The following MCM3AP variants were observed in gnomAD, a reference collection of about 807,000 sequenced individuals.
The protein encoded by MCM3AP is germinal-center associated nuclear protein.
Under a neutral mutation model 184.1 loss-of-function variants are expected in MCM3AP, and 126 were observed. The observed-to-expected ratio is 0.68, with a 90% CI of 0.59 to 0.79. The LOEUF (loss-of-function observed/expected upper bound fraction) is 0.79. Among genes scored for constraint, MCM3AP ranks in the 30% least tolerant of loss-of-function variants. The pLI is 0.00. For missense variants in MCM3AP, 2,496 were observed against 2,479.2 expected, an observed-to-expected ratio of 1.01 and a Z score of -0.14; for synonymous variants, 1,002 against 979.3, an observed-to-expected ratio of 1.02 and a Z score of -0.43.
rs1437878196 is a variant in MCM3AP, at chr21:46,242,482, T to C, written c.5426+320A>G. ...CATTAATAGATTTTCACTGTTATTG[T>C]TTATCCTGGGAGAAAGCATACTTGT... On this transcript the variant is annotated intron_variant, in intron 25 of 27. Transcript: ENST00000291688. The C allele has an allele frequency of 1.6e-5, 3 of 183,966 alleles. No homozygotes were observed. In the Admixed American group the frequency reaches 1.8e-4, roughly 11 times the overall value. The allele number at this position is 183,966 out of a possible 1,614,324, so 11.4% of individuals were successfully genotyped here.
In MCM3AP at chr21:46,248,231, C is replaced by T. The variant is rs17183192; in HGVS notation, c.4291-1345G>A. On this transcript the variant is annotated intron_variant, in intron 20 of 27. Coordinates refer to ENST00000291688, the MANE Select transcript of MCM3AP (RefSeq NM_003906.5). ...CGGCACCCACCACTGCAGGCAACCTCTATGCAAAACCAGTCCCCCTGGGCC... is the reference window on the plus strand; with the variant it reads ...CGGCACCCACCACTGCAGGCAACCTTTATGCAAAACCAGTCCCCCTGGGCC... 9.0e-3 allele frequency among the ~76,000 whole-genome samples: 1,372 copies of T among 152,236 alleles called. 29 individuals are homozygous for T. Among genetic ancestry groups the T allele is most frequent in the African/African-American group, 0.032 (1,324 of 41,538 alleles).
rs1332143881 is a variant in MCM3AP at position 46,235,427 on chromosome 21, C to CT, written c.5785-2dup. ...GCAGTTGCTCCCTCATCATGTCACTCTATTTGAATAAAAAAGAAACTGAAC... is the reference window on the plus strand; with the variant it reads ...GCAGTTGCTCCCTCATCATGTCACTCTTATTTGAATAAAAAAGAAACTGAAC... On this transcript the variant is annotated splice_acceptor_variant, in intron 27 of 27. Transcript: ENST00000291688. LOFTEE classifies it high-confidence loss of function. 7 of 1,613,818 alleles carry CT rather than the reference C, an allele frequency of 4.3e-6. No homozygotes were observed. The Middle Eastern group carries it at 4.9e-4, about 114-fold the overall frequency.
In MCM3AP at chr21:46,245,006, G is replaced by A. The variant is rs1201935485; in HGVS notation, c.4839C>T (p.Asn1613=). ...CAGAAGCCAGGAACTGCAGCACACT[G>A]TTAAACAGCTCAATGATGGCGCCAG... The part of the protein sequence containing the change: ...QEPGAIIELF[N]SVLQFLASVV... The change falls in exon 23 of 28, where the codon AAC becomes AAT. Residue 1613 remains asparagine (N), a synonymous_variant. Transcript: ENST00000291688. The A allele has an allele frequency of 3.1e-6, 5 of 1,614,052 alleles. No homozygotes were observed. In the Admixed American group the frequency reaches 5.0e-5, roughly 16 times the overall value.
chr21:46,284,624 G>A lies in MCM3AP; in HGVS notation c.663C>T (p.Ala221=), dbSNP rs1371339824. 3 of 1,614,082 alleles carry A rather than the reference G, an allele frequency of 1.9e-6. No individual in the cohort carries two copies. Among genetic ancestry groups the A allele is most frequent in the African/African-American group, 2.7e-5 (2 of 74,924 alleles). ...TTTGGTTTGACAAAGCAGGGGTAAA[G>A]GCAGATAATGAATTATTACTACTAA... ...KPVSSNNSLS[A]FTPALSNQNV... Residue 221 remains alanine, a synonymous_variant, in exon 1 of 28, where the codon GCC becomes GCT. Transcript: ENST00000291688.
chr21:46,239,001 C>T (rs2123803157), intron 26 of MCM3AP, among the ~76,000 whole-genome samples: 1 of 152,274 alleles, frequency 6.6e-6, no homozygotes, highest in South Asian at 2.1e-4. Context: ...GATGGGCAAG[C>T]AGGGCCTAAC....
At chr21:46,246,443 C>T in intron 21 of MCM3AP, 39 bp from the exon 22 acceptor site, 1 of 1,396,554 alleles carries the variant, frequency 7.2e-7, no homozygotes, top group Non-Finnish European at 1.0e-6. Context: ...TTGCATTCTG[C>T]TGTCAGCACA....
chr21:46,261,027 C>G, intron 14 of MCM3AP, 121 bp from the exon 15 acceptor site: 1 of 866,904 alleles, frequency 1.2e-6, no homozygotes, highest in African/African-American at 1.7e-5. Context: ...GGTAGGCCAC[C>G]CCTACTCCAG....
chr21:46,247,425 G>C (rs4535149), intron 20 of MCM3AP, among the ~76,000 whole-genome samples: 1 of 147,840 alleles, frequency 6.8e-6, no homozygotes, highest in African/African-American at 2.5e-5. Context: ...TCACTCTGTC[G>C]CCCAGGCTGG....
chr21:46,251,881 C>CTTTTTTTT lies in MCM3AP; in HGVS notation c.4137-207_4137-200dup, dbSNP rs754670172. 138 of 127,724 alleles carry CTTTTTTTT rather than the reference C, an allele frequency of 1.1e-3. 7 individuals are homozygous for CTTTTTTTT. The highest frequency in any genetic ancestry group is 1.2e-3 in the Non-Finnish European group (84 of 67,298). The allele number at this position is 127,724 out of a possible 1,614,324, so 7.9% of individuals were successfully genotyped here. A position where few individuals can be genotyped will look rare whatever the true frequency, so the allele number is the denominator to read the frequency against. ...AATGGAGCAACGATCTGTACTCGTT[C>CTTTTTTTT]TTTTTTTTTTTTTTTTTTTTTTGAG... On this transcript the variant is annotated intron_variant, in intron 19 of 27. Transcript: ENST00000291688.
At chr21:46,262,899 C>T (rs1274261853) in intron 13 of MCM3AP, among the ~76,000 whole-genome samples, 6 of 125,772 alleles carry the variant, frequency 4.8e-5, no homozygotes, top group Admixed American at 3.9e-4. Context: ...CCCCGGGGGG[C>T]GGAGCCTGCA....
chr21:46,256,632 T>C, intron 17 of MCM3AP, 157 bp downstream of exon 17: 1 of 885,880 alleles, frequency 1.1e-6, no homozygotes, highest in Non-Finnish European at 1.7e-6. Flanking sequence ...ACCTTCAAAA[T>C]GCAACCCTGT....
intron 10 of MCM3AP, 69 bp from the exon 11 acceptor site, chr21:46,266,235 T>C (rs990803198): frequency 6.0e-6 from 9 of 1,498,244 alleles, no homozygotes; most frequent in African/African-American, 1.4e-5. Context: ...CTCAGTGCCC[T>C]GCCGAGTACT....
rs779450028 is a variant in MCM3AP at position 46,264,124 on chromosome 21, C to T, written c.3328G>A (p.Ala1110Thr). 19 of 1,612,314 alleles carry T rather than the reference C, an allele frequency of 1.2e-5. No individual in the cohort carries two copies. The highest frequency in any genetic ancestry group is 2.2e-5 in the East Asian group (1 of 44,890). The change falls in exon 13 of 28, where the codon GCC becomes ACC. Residue 1110 changes from alanine to threonine, a missense_variant. By Grantham distance (58) the Ala-to-Thr change is moderately conservative (BLOSUM62 0). Around this residue, in one of 5 missense-constraint regions of MCM3AP, gnomAD observed 1,323 missense variants for 1,273.4 expected, o/e 1.04. Transcript: ENST00000291688. ...GCACGAGATGCCACTCACCCCAGGG[C>T]GGCAGCTGCGTAGGCAGCACCCGCA... The part of the protein sequence containing the change: ...GSAGAAYAAA[A>T]LGVSNAAMED...
At chr21:46,271,007 T>A (rs765632064) in intron 8 of MCM3AP, among the ~76,000 whole-genome samples, 17 of 152,212 alleles carry the variant, frequency 1.1e-4, no homozygotes, top group Non-Finnish European at 1.9e-4. Flanking sequence ...GTAATGCCAA[T>A]GGACTGTCAG....
rs35072844 is a variant in MCM3AP at position 46,284,937 on chromosome 21, C to G, written c.350G>C (p.Ser117Thr). Residue 117 changes from serine to threonine, a missense_variant, in exon 1 of 28, where the codon AGT becomes ACT. Coordinates refer to ENST00000291688, the MANE Select transcript of MCM3AP (RefSeq NM_003906.5). ...AGAAGTGCTTGGGAAAGCCCCAACA[C>G]TGGTGGGTGATTTAAAACTAAATCC... ...NTGFSFKSPT[S>T]VGAFPSTSAF... 43 of 1,614,160 alleles carry G rather than the reference C, an allele frequency of 2.7e-5. No individual in the cohort carries two copies. The African/African-American group carries it at 5.6e-4, about 21-fold the overall frequency.
chr21:46,238,459 G>A (rs1221405876), intron 26 of MCM3AP, among the ~76,000 whole-genome samples: 3 of 119,904 alleles, frequency 2.5e-5, no homozygotes, highest in South Asian at 2.6e-4. Flanking sequence ...TGTAATCCCA[G>A]CACTTTGGGA....
At chr21:46,261,015 T>A (rs913244001) in intron 14 of MCM3AP, 109 bp from the exon 15 acceptor site, 15 of 928,288 alleles carry the variant, frequency 1.6e-5, no homozygotes, top group African/African-American at 1.5e-4. Context: ...GCTGCCTGAG[T>A]CGGTAGGCCA....
intron 11 of MCM3AP, 45 bp downstream of exon 11, chr21:46,265,880 G>T: frequency 6.6e-7 from 1 of 1,508,592 alleles, no homozygotes; most frequent in Non-Finnish European, 8.9e-7. Context: ...CGTTCTGGTG[G>T]GAAAATGCAG....
chr21:46,285,961 C>T (rs2081417477), upstream of MCM3AP: 1 of 152,490 alleles, frequency 6.6e-6, no homozygotes. Context: ...AATCTTCCAC[C>T]CAGCACAGCC....
Sources: allele counts gnomAD v4.1 joint callset (sites outside exome capture counted in the v4.1 genomes callset), GRCh38; gene constraint gnomAD v4.1.1; regional missense constraint gnomAD v4.1.1; transcripts MANE v1.5; gene names NCBI Gene and HGNC (gene_info 2026-07-23, HGNC 2026-07-21).